DPP6: variants seen among roughly 807,000 people sequenced by gnomAD.
DPP6 encodes the protein dipeptidyl peptidase like 6.
A neutral mutation model predicts 122.6 loss-of-function variants in DPP6; 69 were observed. The ratio of observed to expected loss-of-function variants is 0.56; its 90% CI spans 0.46 to 0.69. The LOEUF is 0.69. Ranked by LOEUF, DPP6 falls within the 30% of genes least tolerant of loss-of-function variation. DPP6 has a pLI of 0.00. For missense variants in DPP6, 928 were observed against 1,116.9 expected, an observed-to-expected ratio of 0.83 and a Z score of 2.41; for synonymous variants, 418 against 433.1, an observed-to-expected ratio of 0.97 and a Z score of 0.43.
chr7:153,800,825 A>G, the DPP6 span, among the ~76,000 whole-genome samples: 3 of 152,128 alleles, frequency 2.0e-5, no homozygotes, highest in African/African-American at 7.2e-5. Context: ...CCCAGTTAAC[A>G]AAACTTTATT....
chr7:154,699,022 C>A (rs1015640693), intron 7 of DPP6, among the ~76,000 whole-genome samples: 1 of 152,306 alleles, frequency 6.6e-6, no homozygotes, highest in South Asian at 2.1e-4. Flanking sequence ...TCACACCACC[C>A]TGGAGAAGAG....
rs1163554214 is a variant in DPP6, at chr7:154,368,412, T to TG, written c.244-77797dup. 2.6e-5 allele frequency among the ~76,000 whole-genome samples: 4 copies of TG among 152,340 alleles called. No homozygotes were observed. In the East Asian group the frequency reaches 7.7e-4, roughly 29 times the overall value. ...CCCAAGCCCACCGAATCATTATCTC[T>TG]GGGGGTGAGGCTCAGCAATCTATGT... On this transcript the variant is annotated intron_variant, in intron 1 of 25. Transcript: ENST00000377770.
At chr7:154,872,455 G>A (rs888059442) in intron 18 of DPP6, among the ~76,000 whole-genome samples, 169 bp from the exon 19 acceptor site, 2 of 152,210 alleles carry the variant, frequency 1.3e-5, no homozygotes, top group East Asian at 1.9e-4. Flanking sequence ...CCAAGGCCGC[G>A]CAGCAGGCCA....
At chr7:154,023,318 G>GCACGCACGCACGCACA (rs373378162) in intron 1 of DPP6, among the ~76,000 whole-genome samples, 11 of 129,616 alleles carry the variant, frequency 8.5e-5, no homozygotes, top group African/African-American at 2.6e-4. Flanking sequence ...TTTCTTGTCT[G>GCACGCACGCACGCACA]CACACACACA....
intron 2 of DPP6, among the ~76,000 whole-genome samples, chr7:154,470,950 T>G (rs997243965): frequency 6.6e-6 from 1 of 152,098 alleles, no homozygotes; most frequent in Non-Finnish European, 1.5e-5. Context: ...GCAAAATAAA[T>G]AACGAAAAAC....
rs1036118328 is a variant in DPP6, at chr7:153,887,609, A to G, written c.-75A>G. 6 of 1,567,068 alleles carry G rather than the reference A, an allele frequency of 3.8e-6. No homozygotes were observed. In the African/African-American group the frequency reaches 5.4e-5, roughly 14 times the overall value. The stretch of plus-strand genomic sequence containing the variant: ...ATCCAGTCTTCAGCCAGTCCAGTCT[A>G]CTTTAATCCTCACCAGGACAATGGA... On this transcript the variant is annotated 5_prime_UTR_variant, in exon 1 of 26. Coordinates refer to the DPP6 transcript ENST00000404039.
At position 153,966,597 on chromosome 7, in the gene DPP6, AG is replaced by A. The variant is rs1795748983; in HGVS notation, c.51+78864del. ...TTTTTTTTTTTTTTTTACTGCATAT[AG>A]CCCTTTTTTTTTAAAAAATTATACT... On this transcript the variant is annotated intron_variant, in intron 1 of 25. Transcript: ENST00000404039. Among the ~76,000 whole-genome samples, 5 of 3,528 alleles carry A rather than the reference AG, an allele frequency of 1.4e-3. 1 individual carries two copies. The highest frequency in any genetic ancestry group is 8.7e-3 in the Admixed American group (2 of 230). 2.3% of individuals were successfully genotyped at this position (3,528 alleles called of 152,430 possible).
At chr7:153,879,516 A>G in the DPP6 span, among the ~76,000 whole-genome samples, 4 of 152,036 alleles carry the variant, frequency 2.6e-5, no homozygotes, top group Non-Finnish European at 5.9e-5. Context: ...CAGCCTCCCG[A>G]GTAGCTGGGA....
At chr7:153,907,282 GT>G (rs1799890779) in intron 1 of DPP6, among the ~76,000 whole-genome samples, 1 of 152,014 alleles carries the variant, frequency 6.6e-6, no homozygotes, top group South Asian at 2.1e-4. Context: ...TCCTGTGTTT[GT>G]TGGCCAAGAG....
intron 1 of DPP6, among the ~76,000 whole-genome samples, chr7:154,360,218 A>G (rs932265207): frequency 6.6e-6 from 1 of 152,132 alleles, no homozygotes; most frequent in African/African-American, 2.4e-5. Context: ...GGTGCCCAGG[A>G]TGACACTGCC....
intron 1 of DPP6, among the ~76,000 whole-genome samples, chr7:154,366,418 G>A (rs1303838771): frequency 6.6e-6 from 1 of 152,206 alleles, no homozygotes; most frequent in Non-Finnish European, 1.5e-5. Context: ...CTTAACTTTT[G>A]CACTGGATGA....
chr7:153,936,704 G>A (rs944569055), intron 1 of DPP6, among the ~76,000 whole-genome samples: 15 of 152,018 alleles, frequency 9.9e-5, no homozygotes, highest in East Asian at 1.9e-4. Context: ...CCAGCTACTC[G>A]GGAGGCTGAG....
At chr7:154,232,218 G>A (rs1563345387) in intron 1 of DPP6, among the ~76,000 whole-genome samples, 1 of 152,130 alleles carries the variant, frequency 6.6e-6, no homozygotes, top group Non-Finnish European at 1.5e-5. Context: ...TCTTTAATGG[G>A]TAGGGTACTA....
intron 2 of DPP6, among the ~76,000 whole-genome samples, chr7:154,467,356 T>A (rs1395069632): frequency 1.3e-5 from 2 of 151,966 alleles, no homozygotes; most frequent in East Asian, 3.9e-4. Flanking sequence ...TGGTGGGAGG[T>A]GATTGGATCA....
intron 1 of DPP6, among the ~76,000 whole-genome samples, chr7:153,889,432 G>A (rs1239947280): frequency 6.6e-6 from 1 of 152,070 alleles, no homozygotes; most frequent in African/African-American, 2.4e-5. Flanking sequence ...GTATATTTAG[G>A]GCTGAGGCTG....
chr7:154,383,516 G>A lies in DPP6; in HGVS notation c.244-62698G>A, dbSNP rs963413178. On this transcript the variant is annotated intron_variant, in intron 1 of 25. Coordinates refer to ENST00000377770, the MANE Select transcript of DPP6 (RefSeq NM_130797.4). Reference sequence around the variant, plus strand: ...TTCTAGTCAAATTTAATATAAGAAAGTAACATGCATTGTCAATAATTACAT... The same window carrying A: ...TTCTAGTCAAATTTAATATAAGAAAATAACATGCATTGTCAATAATTACAT... Among the ~76,000 whole-genome samples the A allele has an allele frequency of 5.3e-5, 8 of 152,290 alleles. No homozygotes were observed. In the East Asian group the frequency reaches 5.8e-4, roughly 11 times the overall value.
intron 3 of DPP6, among the ~76,000 whole-genome samples, chr7:154,497,317 A>G (rs1173203899): frequency 6.6e-6 from 1 of 152,072 alleles, no homozygotes; most frequent in African/African-American, 2.4e-5. Flanking sequence ...CAGAAAAAGA[A>G]CTAGGACAGG....
chr7:154,647,215 C>G (rs749281461), intron 6 of DPP6, among the ~76,000 whole-genome samples: 3 of 152,196 alleles, frequency 2.0e-5, no homozygotes, highest in African/African-American at 4.8e-5. Flanking sequence ...AAGAGGGAAC[C>G]TCAGGATGGC....
intron 2 of DPP6, among the ~76,000 whole-genome samples, chr7:154,474,674 T>C (rs562365460): frequency 6.6e-6 from 1 of 152,346 alleles, no homozygotes; most frequent in Admixed American, 6.5e-5. Context: ...TATTTACCTC[T>C]GTGCTGAGAA....
Sources: gnomAD v4.1 joint callset for allele counts (sites outside exome capture counted in the v4.1 genomes callset) on GRCh38, gnomAD v4.1.1 for gene constraint, MANE v1.5 for transcripts, NCBI Gene and HGNC (gene_info 2026-07-23, HGNC 2026-07-21) for gene names.